The following SYT2 variants were observed in gnomAD, a reference collection of about 807,000 sequenced individuals.
SYT2 encodes synaptotagmin-2.
Under a neutral mutation model 39.9 loss-of-function variants are expected in SYT2, and 15 were observed. The observed-to-expected ratio is 0.38, with a 90% CI of 0.25 to 0.58. The LOEUF (loss-of-function observed/expected upper bound fraction) is 0.58, where lower values mean the gene tolerates loss of function less well. Among genes scored for constraint, SYT2 ranks in the 20% least tolerant of loss-of-function variants. SYT2 has a pLI of 0.70. For missense variants in SYT2, 389 were observed against 530.3 expected, an observed-to-expected ratio of 0.73 and a Z score of 2.62; for synonymous variants, 181 against 204.5, an observed-to-expected ratio of 0.89 and a Z score of 0.98.
At chr1:202,709,668 G>T (rs1654343483) in intron 1 of SYT2, among the ~76,000 whole-genome samples, 1 of 152,026 alleles carries the variant, frequency 6.6e-6, no homozygotes, top group African/African-American at 2.4e-5. Flanking sequence ...GCCCCTTCTT[G>T]GGCCCCTGCC....
chr1:202,642,205 A>C lies in SYT2; in HGVS notation c.-17-36416T>G, dbSNP rs149924226. 2.0e-3 allele frequency among the ~76,000 whole-genome samples: 301 copies of C among 151,426 alleles called. 5 individuals are homozygous for C. In the East Asian group the frequency reaches 0.041, roughly 21 times the overall value. On this transcript the variant is annotated intron_variant, in intron 1 of 8. Transcript: ENST00000367268. ...GACAGGTCAGAATGGAAGCTTTCGG[A>C]CTCTCCCTGGGGCGCTGCGTTCACA...
At chr1:202,665,540 T>A (rs567991039) in intron 1 of SYT2, among the ~76,000 whole-genome samples, 1 of 152,216 alleles carries the variant, frequency 6.6e-6, no homozygotes. Context: ...TCAGATAGTC[T>A]ATAGCTGGGA....
At chr1:202,605,376 C>A in intron 2 of SYT2, 1 of 417,116 alleles carries the variant, frequency 2.4e-6, no homozygotes, top group Non-Finnish European at 4.3e-6. Flanking sequence ...CTTTTCTTCC[C>A]CTGAGAAGTT....
At position 202,599,172 on chromosome 1, in the gene SYT2, C is replaced by T; in HGVS notation, c.1053+46G>A. 1.2e-6 allele frequency: 2 copies of T among 1,603,550 alleles called. No individual in the cohort carries two copies. Among genetic ancestry groups the T allele is most frequent in the South Asian group, 1.1e-5 (1 of 89,060 alleles). On this transcript the variant is annotated intron_variant, in intron 8 of 8. Coordinates refer to ENST00000367268, the MANE Select transcript of SYT2 (RefSeq NM_177402.5). The surrounding 1 kb of genome is among the most constrained non-coding windows in gnomAD (Gnocchi z 4.4). ...TCTTCAACCTCCCCATACATGTTTGCCTCCCCAAACCCTGCTCCATGCCTA... is the reference window on the plus strand; with the variant it reads ...TCTTCAACCTCCCCATACATGTTTGTCTCCCCAAACCCTGCTCCATGCCTA...
At chr1:202,702,192 C>A (rs902631621) in intron 1 of SYT2, among the ~76,000 whole-genome samples, 4 of 152,174 alleles carry the variant, frequency 2.6e-5, no homozygotes, top group Non-Finnish European at 1.5e-5. Context: ...GGGGGTGGAG[C>A]ACGCCTCCCT....
At chr1:202,634,893 G>T (rs1055412334) in intron 1 of SYT2, among the ~76,000 whole-genome samples, 1 of 152,162 alleles carries the variant, frequency 6.6e-6, no homozygotes, top group Non-Finnish European at 1.5e-5. Context: ...GAAGAATCGA[G>T]GGTGACTGTT....
intron 1 of SYT2, among the ~76,000 whole-genome samples, chr1:202,642,129 G>C (rs1019143062): frequency 4.6e-5 from 7 of 152,268 alleles, no homozygotes; most frequent in Non-Finnish European, 1.0e-4. Flanking sequence ...CCATTTTCCA[G>C]ATGAAGATAC....
chr1:202,704,225 C>T (rs889288281), intron 1 of SYT2, among the ~76,000 whole-genome samples: 1 of 152,204 alleles, frequency 6.6e-6, no homozygotes, highest in Admixed American at 6.5e-5. Flanking sequence ...TGTCACTCTG[C>T]ACCAGCCACC....
chr1:202,652,218 T>G (rs571291779), intron 1 of SYT2, among the ~76,000 whole-genome samples: 1 of 152,334 alleles, frequency 6.6e-6, no homozygotes, highest in African/African-American at 2.4e-5. Flanking sequence ...CCATCGTCCC[T>G]TTGCCTTGGG....
chr1:202,697,272 G>T (rs1189845511), intron 1 of SYT2, among the ~76,000 whole-genome samples: 1 of 152,258 alleles, frequency 6.6e-6, no homozygotes. Context: ...AGCCCAGCCG[G>T]TAAGTGGCGT....
chr1:202,597,725 G>A (rs1369012618), intron 8 of SYT2, among the ~76,000 whole-genome samples: 1 of 152,138 alleles, frequency 6.6e-6, no homozygotes, highest in African/African-American at 2.4e-5. Context: ...ATTTACTGGA[G>A]GAGGAGTGGG....
chr1:202,640,249 A>T (rs1036975547), intron 1 of SYT2, among the ~76,000 whole-genome samples: 1 of 53,954 alleles, frequency 1.9e-5, no homozygotes, highest in African/African-American at 7.7e-5. Context: ...ACCCCACCCC[A>T]CCCCGCCCCA....
intron 1 of SYT2, among the ~76,000 whole-genome samples, chr1:202,681,314 G>A (rs1653519754): frequency 1.3e-5 from 2 of 152,218 alleles, no homozygotes; most frequent in South Asian, 4.1e-4. Context: ...TTAAAGGGAA[G>A]AGTCCTGGGG....
At chr1:202,681,674 G>A (rs796749562) in intron 1 of SYT2, among the ~76,000 whole-genome samples, 28 of 152,288 alleles carry the variant, frequency 1.8e-4, no homozygotes, top group African/African-American at 4.1e-4. Context: ...GTAAGGGGAC[G>A]GCAGGTCCTC....
At position 202,605,569 on chromosome 1, in the gene SYT2, C is replaced by T. The variant is rs2149071913; in HGVS notation, c.178+26G>A. 5 of 1,605,154 alleles carry T rather than the reference C, an allele frequency of 3.1e-6. No individual in the cohort carries two copies. In the African/African-American group the frequency reaches 5.3e-5, roughly 17 times the overall value. ...TCTCCCAGACTCTAGCCTTGCCCCA[C>T]CCTCTCAGCCACCAGAGACACTCAC... is the stretch of plus-strand genomic sequence containing the variant. On this transcript the variant is annotated intron_variant, in intron 2 of 8. Coordinates refer to ENST00000367268, the MANE Select transcript of SYT2 (RefSeq NM_177402.5).
At chr1:202,706,807 G>A (rs992255264) in intron 1 of SYT2, among the ~76,000 whole-genome samples, 6 of 152,208 alleles carry the variant, frequency 3.9e-5, no homozygotes, top group African/African-American at 7.2e-5. Context: ...GATTATTCAC[G>A]TAGGGAATTT....
intron 1 of SYT2, among the ~76,000 whole-genome samples, chr1:202,642,011 G>A (rs1004870839): frequency 6.6e-6 from 1 of 152,140 alleles, no homozygotes; most frequent in African/African-American, 2.4e-5. Flanking sequence ...CAGAGGATAG[G>A]TCATTCTACC....
intron 1 of SYT2, among the ~76,000 whole-genome samples, chr1:202,640,301 A>G (rs1691867713): frequency 6.9e-6 from 1 of 144,112 alleles, no homozygotes; most frequent in African/African-American, 2.6e-5. Flanking sequence ...TCACGGACCA[A>G]CAAAGCCAGA....
intron 1 of SYT2, among the ~76,000 whole-genome samples, chr1:202,708,862 C>G (rs961510615): frequency 1.3e-5 from 2 of 152,202 alleles, no homozygotes; most frequent in Non-Finnish European, 2.9e-5. Flanking sequence ...TCTAGCAGCC[C>G]CAAAGCTGGA....
Sources: allele counts gnomAD v4.1 joint callset (sites outside exome capture counted in the v4.1 genomes callset), GRCh38; gene constraint gnomAD v4.1.1; non-coding constraint Gnocchi (gnomAD v3.1); transcripts MANE v1.5; gene names NCBI Gene and HGNC (gene_info 2026-07-23, HGNC 2026-07-21).